The following POLR3B variants were observed in gnomAD, a reference collection of about 807,000 sequenced individuals.
POLR3B encodes the protein DNA-directed RNA polymerase III subunit RPC2.
A neutral mutation model predicts 147.4 loss-of-function variants in POLR3B; 96 were observed. The observed-to-expected ratio is 0.65, with a 90% CI of 0.55 to 0.77. The LOEUF (loss-of-function observed/expected upper bound fraction) is 0.77. Among genes scored for constraint, POLR3B ranks in the 30% least tolerant of loss-of-function variants. POLR3B has a pLI of 0.00. For synonymous variants in POLR3B, 461 were observed against 485.9 expected (o/e 0.95, Z 0.67); for missense variants, 1,036 against 1,413.5 (o/e 0.73, Z 4.28).
At chr12:106,478,349 C>A (rs1000305195) in intron 23 of POLR3B, among the ~76,000 whole-genome samples, 3 of 152,156 alleles carry the variant, frequency 2.0e-5, no homozygotes, top group African/African-American at 4.8e-5. Flanking sequence ...TGTTCATTAA[C>A]AGGCATGGTT....
chr12:106,495,680 C>T (rs1490753767), intron 23 of POLR3B, among the ~76,000 whole-genome samples: 1 of 152,122 alleles, frequency 6.6e-6, no homozygotes, highest in Non-Finnish European at 1.5e-5. Flanking sequence ...CCCAGGAGAT[C>T]ACGAACTAGC....
At chr12:106,448,421 T>C (rs566328141) in intron 19 of POLR3B, among the ~76,000 whole-genome samples, 1 of 147,110 alleles carries the variant, frequency 6.8e-6, no homozygotes, top group South Asian at 2.1e-4. Context: ...TTTACATACG[T>C]TATTTCTTTT....
intron 9 of POLR3B, among the ~76,000 whole-genome samples, chr12:106,385,437 C>A (rs1262379234): frequency 2.6e-5 from 4 of 151,804 alleles, no homozygotes; most frequent in Admixed American, 2.0e-4. Context: ...TATTCAGTTT[C>A]AATAGTTATG....
chr12:106,401,309 C>A (rs1026310680), intron 10 of POLR3B, among the ~76,000 whole-genome samples: 3 of 152,104 alleles, frequency 2.0e-5, no homozygotes, highest in Non-Finnish European at 4.4e-5. Flanking sequence ...CAATAACAGG[C>A]TCTGAAATTG....
chr12:106,377,800 A>G (rs553169892), intron 7 of POLR3B, among the ~76,000 whole-genome samples: 2 of 152,240 alleles, frequency 1.3e-5, no homozygotes, highest in Non-Finnish European at 2.9e-5. Context: ...TCTTCAGTCC[A>G]TAAAACAATA....
chr12:106,489,518 T>G (rs953195338), intron 23 of POLR3B, among the ~76,000 whole-genome samples: 2 of 152,226 alleles, frequency 1.3e-5, no homozygotes, highest in African/African-American at 4.8e-5. Flanking sequence ...GATTGAATGT[T>G]TCTTAGAAGA....
rs774746326 is a variant in POLR3B, at chr12:106,457,198, A to T, written c.2354A>T (p.Gln785Leu). 3 of 1,613,000 alleles carry T rather than the reference A, an allele frequency of 1.9e-6. No individual in the cohort carries two copies. The South Asian group carries it at 3.3e-5, about 18-fold the overall frequency. Residue 785 changes from glutamine (Q) to leucine (L), a missense_variant, in exon 21 of 28, where the codon CAG becomes CTG. This residue lies in a region of POLR3B where 202 missense variants were observed against 272.8 expected (regional missense o/e 0.74). Transcript: ENST00000228347. Reference sequence around the variant, plus strand: ...TGTACGTTGAAACGATACACCAATCAGACTTTTGATAAAGTGATGGGGCCC... The same window carrying T: ...TGTACGTTGAAACGATACACCAATCTGACTTTTGATAAAGTGATGGGGCCC... The part of the protein sequence containing the change: ...AKCTLKRYTN[Q>L]TFDKVMGPML...
intron 11 of POLR3B, among the ~76,000 whole-genome samples, chr12:106,407,227 G>C (rs1446883224): frequency 2.6e-5 from 4 of 152,152 alleles, no homozygotes; most frequent in African/African-American, 7.2e-5. Flanking sequence ...AACAACAAAG[G>C]CTTTTGAGCC....
intron 2 of POLR3B, among the ~76,000 whole-genome samples, chr12:106,365,818 C>A (rs2036527613): frequency 6.6e-6 from 1 of 151,434 alleles, no homozygotes; most frequent in Non-Finnish European, 1.5e-5. Flanking sequence ...GAGATCGCAC[C>A]ACTGTACTCC....
chr12:106,401,898 G>T (rs930462472), intron 10 of POLR3B, among the ~76,000 whole-genome samples: 122 of 152,254 alleles, frequency 8.0e-4, no homozygotes, highest in African/African-American at 2.3e-3. Context: ...TTGAAAACTG[G>T]CACAGGACAG....
At chr12:106,492,816 GAAT>G (rs544786344) in intron 23 of POLR3B, among the ~76,000 whole-genome samples, 350 of 152,274 alleles carry the variant, frequency 2.3e-3, no homozygotes, top group African/African-American at 8.1e-3. Flanking sequence ...GATGGTGATG[GAAT>G]AATATTTTGT....
chr12:106,416,938 C>T (rs1280979971), intron 12 of POLR3B, among the ~76,000 whole-genome samples: 1 of 152,172 alleles, frequency 6.6e-6, no homozygotes, highest in African/African-American at 2.4e-5. Context: ...ATCCCTTTCA[C>T]CCTCTCTCTA....
chr12:106,435,595 T>A (rs574404096), intron 16 of POLR3B, among the ~76,000 whole-genome samples: 1 of 152,290 alleles, frequency 6.6e-6, no homozygotes, highest in African/African-American at 2.4e-5. Flanking sequence ...TGACTCTGAG[T>A]ATACTACTTC....
intron 12 of POLR3B, among the ~76,000 whole-genome samples, chr12:106,418,359 A>T (rs772798213): frequency 1.3e-5 from 2 of 152,226 alleles, no homozygotes; most frequent in Non-Finnish European, 2.9e-5. Flanking sequence ...TTTCTACCCT[A>T]TGACAAAAGA....
chr12:106,507,429 G>A (rs983435197), intron 27 of POLR3B, among the ~76,000 whole-genome samples: 1 of 152,144 alleles, frequency 6.6e-6, no homozygotes, highest in Non-Finnish European at 1.5e-5. Context: ...GATTAGCTTG[G>A]ATCGGAGTCA....
chr12:106,482,082 T>A (rs1273184250), intron 23 of POLR3B, among the ~76,000 whole-genome samples: 2 of 152,232 alleles, frequency 1.3e-5, no homozygotes, highest in Non-Finnish European at 2.9e-5. Flanking sequence ...TGTCAGCTCT[T>A]ATCTGAAAAT....
intron 12 of POLR3B, among the ~76,000 whole-genome samples, chr12:106,426,720 G>A (rs1194566069): frequency 1.3e-5 from 2 of 151,940 alleles, no homozygotes; most frequent in Non-Finnish European, 2.9e-5. Context: ...TGGGGCACAG[G>A]GATGGGTAGA....
At position 106,362,069 on chromosome 12, in the gene POLR3B, C is replaced by T. The variant is rs12307507; in HGVS notation, c.73-1801C>T. Among the ~76,000 whole-genome samples the T allele has an allele frequency of 3.5e-3, 528 of 151,822 alleles. 2 individuals are homozygous for T. Among genetic ancestry groups the T allele is most frequent in the African/African-American group, 0.011 (464 of 41,400 alleles). On this transcript the variant is annotated intron_variant, in intron 1 of 27. Transcript: ENST00000228347. ...TTGGGAGAGATCGTAAGCTGAAGGG[C>T]AGGGAAGAAAGTAGTCAGAGGAGCT...
intron 21 of POLR3B, among the ~76,000 whole-genome samples, chr12:106,458,298 A>AT (rs1303435956): frequency 6.6e-6 from 1 of 151,530 alleles, no homozygotes; most frequent in Admixed American, 6.6e-5. Flanking sequence ...AGTTTTTTGT[A>AT]TTTTTTGTAG....
Sources: allele counts gnomAD v4.1 joint callset (sites outside exome capture counted in the v4.1 genomes callset), GRCh38; gene constraint gnomAD v4.1.1; regional missense constraint gnomAD v4.1.1; transcripts MANE v1.5; gene names NCBI Gene and HGNC (gene_info 2026-07-23, HGNC 2026-07-21).